Variants in VWDE observed in about 807,000 individuals in gnomAD.
VWDE encodes von Willebrand factor D and EGF domain-containing protein.
Under a neutral mutation model 178.4 loss-of-function variants are expected in VWDE, and 207 were observed. The observed-to-expected ratio is 1.16, with a 90% confidence interval of 1.04 to 1.30. VWDE has a LOEUF of 1.30. Among genes scored for constraint, VWDE ranks in the 50% most tolerant of loss-of-function variants. The pLI is 0.00. For missense variants in VWDE, 2,287 were observed against 1,901.3 expected (o/e 1.20, Z -3.77); for synonymous variants, 738 against 651.4 (o/e 1.13, Z -2.02).
At chr7:12,399,973 C>G (rs990873319) in intron 1 of VWDE, among the ~76,000 whole-genome samples, 34 of 151,914 alleles carry the variant, frequency 2.2e-4, no homozygotes, top group African/African-American at 8.2e-4. Flanking sequence ...GAAATAATCA[C>G]TGAGTCAAAG....
chr7:12,369,289 G>A (rs1210176207), intron 12 of VWDE, among the ~76,000 whole-genome samples: 1 of 152,092 alleles, frequency 6.6e-6, no homozygotes, highest in Non-Finnish European at 1.5e-5. Context: ...GACAGTAGCA[G>A]GGAATGAGTT....
chr7:12,375,594 G>A (rs189889574), intron 7 of VWDE, among the ~76,000 whole-genome samples: 14 of 151,788 alleles, frequency 9.2e-5, no homozygotes, highest in Non-Finnish European at 1.9e-4. Context: ...GATTTTTTCT[G>A]TCTAAGATTT....
chr7:12,372,725 T>A (rs1418238691), intron 10 of VWDE, among the ~76,000 whole-genome samples: 1 of 152,140 alleles, frequency 6.6e-6, no homozygotes, highest in Non-Finnish European at 1.5e-5. Context: ...AAAAGTAATT[T>A]TAATGAATAA....
intron 27 of VWDE, among the ~76,000 whole-genome samples, chr7:12,335,478 C>T (rs1398188317): frequency 1.3e-5 from 2 of 151,028 alleles, no homozygotes; most frequent in South Asian, 2.1e-4. Context: ...TTTTTTGAGA[C>T]GGAGTCTCGC....
rs927190397 is a variant in VWDE, at chr7:12,369,746, C to G, written c.2560G>C (p.Gly854Arg). 3.9e-6 allele frequency: 6 copies of G among 1,551,470 alleles called. No individual in the cohort carries two copies. The highest frequency in any genetic ancestry group is 5.2e-6 in the Non-Finnish European group (6 of 1,146,902). The change falls in exon 12 of 29, where the codon GGT becomes CGT. Residue 854 changes from glycine to arginine, a missense_variant. Physicochemically the swap from Gly to Arg is moderately radical, Grantham distance 125 (BLOSUM62 -2). Transcript: ENST00000275358. ...LKDDLSWAEA[G>R]VALLENECEK... The stretch of plus-strand genomic sequence containing the variant: ...CATTCATTTTCTAAAAGGGCCACAC[C>G]TGCTTCTGCCCAACTAAGATCATCT...
Position 12,359,608 on chromosome 7 carries a change from T to C in VWDE, c.3244A>G (p.Ile1082Val). Reference protein sequence around the residue: ...TSPCLICRPKISRFTWSFLEN... With the variant: ...TSPCLICRPKVSRFTWSFLEN... Reference sequence around the variant, plus strand: ...AAAAATGACCAAGTAAATCTTGAAATTTTGGGTCTACAAATCAAACAAGGG... The same window carrying C: ...AAAAATGACCAAGTAAATCTTGAAACTTTGGGTCTACAAATCAAACAAGGG... The change falls in exon 16 of 29, where the codon ATT becomes GTT. Residue 1082 changes from isoleucine (I) to valine (V), a missense_variant. Coordinates refer to ENST00000275358, the MANE Select transcript of VWDE (RefSeq NM_001135924.3). The C allele has an allele frequency of 6.5e-7, 1 of 1,550,162 alleles. No individual in the cohort carries two copies. The highest frequency in any genetic ancestry group is 1.7e-4 in the Middle Eastern group (1 of 5,974).
intron 3 of VWDE, among the ~76,000 whole-genome samples, chr7:12,385,730 T>A (rs879124853): frequency 2.6e-5 from 4 of 152,208 alleles, no homozygotes; most frequent in Admixed American, 2.6e-4. Context: ...CTAAACGGTA[T>A]TCCAAGGCAA....
chr7:12,383,662 T>C (rs1380572363), intron 3 of VWDE, 61 bp from the exon 4 acceptor site: 9 of 1,320,672 alleles, frequency 6.8e-6, no homozygotes, highest in Non-Finnish European at 9.6e-6. Context: ...CATCTACATA[T>C]ATCCAAGATG....
At chr7:12,354,818 G>A (rs1011406243) in intron 18 of VWDE, among the ~76,000 whole-genome samples, 7 of 152,144 alleles carry the variant, frequency 4.6e-5, no homozygotes, top group African/African-American at 7.2e-5. Flanking sequence ...TAAAAAGTCA[G>A]TAATTTTTAA....
At chr7:12,336,872 G>A (rs528857413) in intron 26 of VWDE, 116 bp downstream of exon 26, 23 of 952,880 alleles carry the variant, frequency 2.4e-5, no homozygotes, top group Non-Finnish European at 3.4e-5. Flanking sequence ...GAATAAATAT[G>A]CAAAAATTTT....
At chr7:12,370,896 G>A (rs1783160078) in intron 10 of VWDE, 32 bp from the exon 11 acceptor site, 1 of 1,457,074 alleles carries the variant, frequency 6.9e-7, no homozygotes, top group Non-Finnish European at 9.1e-7. Context: ...AGAAATAAAA[G>A]ATGTTGAAGC....
At chr7:12,381,025 C>A (rs1027601203) in intron 4 of VWDE, among the ~76,000 whole-genome samples, 1 of 152,098 alleles carries the variant, frequency 6.6e-6, no homozygotes, top group African/African-American at 2.4e-5. Flanking sequence ...TTCTTTGAAG[C>A]ACTTATCTTT....
intron 28 of VWDE, 136 bp from the exon 29 acceptor site, chr7:12,331,333 C>T (rs1483771964): frequency 1.7e-6 from 1 of 584,174 alleles, no homozygotes; most frequent in African/African-American, 1.9e-5. Flanking sequence ...AGACTCAATA[C>T]TGTTTTCATA....
At chr7:12,389,814 G>C (rs1032526320) in intron 2 of VWDE, among the ~76,000 whole-genome samples, 1 of 152,182 alleles carries the variant, frequency 6.6e-6, no homozygotes, top group Admixed American at 6.5e-5. Flanking sequence ...AAATCGGGGA[G>C]AAGGAAGGTA....
Position 12,331,214 on chromosome 7 carries a change from G to C in VWDE, c.4759-17C>G. On this transcript the variant is annotated splice_polypyrimidine_tract_variant and intron_variant, in intron 28 of 28. Coordinates refer to ENST00000275358, the MANE Select transcript of VWDE (RefSeq NM_001135924.3). ...GCGTCTTATCTGTAGTAGGAAGAAG[G>C]AAATTGTGTTTCAATGAATAGTATA... 1 of 1,539,542 alleles carries C rather than the reference G, an allele frequency of 6.5e-7. No homozygotes were observed. Among genetic ancestry groups the C allele is most frequent in the African/African-American group, 1.4e-5 (1 of 72,586 alleles).
chr7:12,353,130 G>T lies in VWDE; in HGVS notation c.3746-1417C>A, dbSNP rs1156716892. 3.9e-5 allele frequency among the ~76,000 whole-genome samples: 6 copies of T among 152,156 alleles called. No homozygotes were observed. In the South Asian group the frequency reaches 1.2e-3, roughly 32 times the overall value. On this transcript the variant is annotated intron_variant, in intron 18 of 28. Transcript: ENST00000275358. Reference sequence around the variant, plus strand: ...TGAGCTGCCATAACAGAATACCACAGACTGCGGGGCTTAAACAACAGAAAT... The same window carrying T: ...TGAGCTGCCATAACAGAATACCACATACTGCGGGGCTTAAACAACAGAAAT...
In VWDE at chr7:12,369,881, G is replaced by T. The variant is rs1039734864; in HGVS notation, c.2425C>A (p.Leu809Ile). 6.4e-7 allele frequency: 1 copy of T among 1,551,492 alleles called. No homozygotes were observed. The highest frequency in any genetic ancestry group is 2.0e-5 in the Admixed American group (1 of 50,972). ...GAGTTGGCTAGAGTCTCCTGACAGA[G>T]GGTCAAGGTGCTATACTCGGTGAGG... ...SGLTEYSTLT[L>I]CQETLANSSI... Residue 809 changes from leucine to isoleucine, a missense_variant, in exon 12 of 29, where the codon CTC becomes ATC. Coordinates refer to ENST00000275358, the MANE Select transcript of VWDE (RefSeq NM_001135924.3).
At chr7:12,365,699 A>G (rs766741172) in intron 13 of VWDE, among the ~76,000 whole-genome samples, 1 of 152,100 alleles carries the variant, frequency 6.6e-6, no homozygotes, top group Non-Finnish European at 1.5e-5. Context: ...AAATAGTGGC[A>G]CATTAAACAG....
chr7:12,367,254 G>A (rs895048666), intron 13 of VWDE, 103 bp downstream of exon 13: 12 of 881,328 alleles, frequency 1.4e-5, no homozygotes, highest in South Asian at 3.9e-5. Context: ...ATATAATATC[G>A]TTTGGATTTA....
Sources: allele counts gnomAD v4.1 joint callset (sites outside exome capture counted in the v4.1 genomes callset), GRCh38; gene constraint gnomAD v4.1.1; transcripts MANE v1.5; gene names NCBI Gene and HGNC (gene_info 2026-07-23, HGNC 2026-07-21).